Variants in NOS1AP observed in about 807,000 individuals in gnomAD.
NOS1AP encodes the protein nitric oxide synthase 1 adaptor protein.
NOS1AP carries 21 observed loss-of-function variants against 56.2 expected under a neutral mutation model. The observed-to-expected ratio is 0.37, with a 90% CI of 0.26 to 0.54. The LOEUF (loss-of-function observed/expected upper bound fraction) is 0.54. Among genes scored for constraint, NOS1AP ranks in the 20% least tolerant of loss-of-function variants. The pLI is 0.84. For synonymous variants in NOS1AP, 270 were observed against 274.6 expected, an observed-to-expected ratio of 0.98 and a Z score of 0.17; for missense variants, 522 against 657.8, an observed-to-expected ratio of 0.79 and a Z score of 2.26.
intron 9 of NOS1AP, 188 bp from the exon 10 acceptor site, chr1:162,366,864 G>A (rs1275134234): frequency 2.9e-6 from 2 of 682,722 alleles, no homozygotes; most frequent in Non-Finnish European, 5.3e-6. Context: ...CCCCTCCAGC[G>A]AGGTGTGTCT....
At chr1:162,170,994 G>T (rs1397086444) in intron 2 of NOS1AP, among the ~76,000 whole-genome samples, 1 of 152,078 alleles carries the variant, frequency 6.6e-6, no homozygotes, top group Non-Finnish European at 1.5e-5. Context: ...CAGCTAAACG[G>T]GTGGAGCTCA....
chr1:162,198,325 C>G (rs1455047193), intron 2 of NOS1AP, among the ~76,000 whole-genome samples: 1 of 152,164 alleles, frequency 6.6e-6, no homozygotes, highest in Non-Finnish European at 1.5e-5. Context: ...ACTTTCTGAT[C>G]GTTGTGATGG....
chr1:162,072,273 T>C (rs1691676826), intron 1 of NOS1AP, among the ~76,000 whole-genome samples: 1 of 152,240 alleles, frequency 6.6e-6, no homozygotes, highest in Admixed American at 6.5e-5. Flanking sequence ...AGCCCAGGAC[T>C]ATGTACCTTT....
chr1:162,285,449 T>A (rs1032016179), intron 2 of NOS1AP, among the ~76,000 whole-genome samples: 3 of 152,206 alleles, frequency 2.0e-5, no homozygotes, highest in East Asian at 3.8e-4. Flanking sequence ...CTGAGCAGAA[T>A]GCTGCAGTCA....
intron 3 of NOS1AP, among the ~76,000 whole-genome samples, chr1:162,297,730 T>C (rs868046810): frequency 2.6e-5 from 4 of 152,094 alleles, no homozygotes; most frequent in Non-Finnish European, 5.9e-5. Context: ...ATGATAGATA[T>C]AGGAACCAGA....
intron 4 of NOS1AP, among the ~76,000 whole-genome samples, chr1:162,330,380 C>T (rs1335508712): frequency 6.6e-6 from 1 of 152,174 alleles, no homozygotes; most frequent in Non-Finnish European, 1.5e-5. Flanking sequence ...GTAAAAACAT[C>T]ATAGTGTGAG....
chr1:162,078,319 T>C (rs1346379763), intron 1 of NOS1AP, among the ~76,000 whole-genome samples: 1 of 152,198 alleles, frequency 6.6e-6, no homozygotes, highest in Non-Finnish European at 1.5e-5. Flanking sequence ...TTCATTGTCT[T>C]TTAACGACCC....
chr1:162,084,615 T>G (rs949016647), intron 1 of NOS1AP, among the ~76,000 whole-genome samples: 2 of 152,188 alleles, frequency 1.3e-5, no homozygotes, highest in African/African-American at 4.8e-5. Flanking sequence ...TATTACAGCC[T>G]GATGAAGGAG....
chr1:162,103,315 T>C (rs1647378156), intron 1 of NOS1AP, among the ~76,000 whole-genome samples: 1 of 152,126 alleles, frequency 6.6e-6, no homozygotes, highest in South Asian at 2.1e-4. Context: ...TATTTCAGTT[T>C]TTTTTTTGCG....
intron 1 of NOS1AP, among the ~76,000 whole-genome samples, chr1:162,131,607 A>G (rs1205037214): frequency 6.6e-6 from 1 of 151,984 alleles, no homozygotes; most frequent in Non-Finnish European, 1.5e-5. Flanking sequence ...CCTTGCAGGG[A>G]CATTTCCCTG....
chr1:162,302,102 T>G (rs2661807), intron 4 of NOS1AP, among the ~76,000 whole-genome samples: 68,744 of 152,138 alleles, frequency 0.45, 15,941 homozygotes, highest in East Asian at 0.63. Flanking sequence ...TCTGCCTCTG[T>G]GTTCCTGTAG....
intron 3 of NOS1AP, among the ~76,000 whole-genome samples, chr1:162,289,229 C>CTTCCT: frequency 4.6e-5 from 1 of 21,850 alleles, no homozygotes; most frequent in African/African-American, 2.5e-4. Flanking sequence ...TCCTTCCTTC[C>CTTCCT]TTCCTTCCTT....
intron 1 of NOS1AP, among the ~76,000 whole-genome samples, chr1:162,077,903 A>G (rs1303519576): frequency 6.6e-6 from 1 of 152,006 alleles, no homozygotes; most frequent in African/African-American, 2.4e-5. Context: ...GTCCCTGGCC[A>G]CTTCCTTCCA....
At chr1:162,335,444 C>G (rs1400033735) in intron 5 of NOS1AP, among the ~76,000 whole-genome samples, 1 of 152,238 alleles carries the variant, frequency 6.6e-6, no homozygotes, top group Non-Finnish European at 1.5e-5. Context: ...TTTGCTTGCC[C>G]TTCTGCTTAG....
intron 8 of NOS1AP, chr1:162,364,440 C>T (rs1658002385): frequency 1.0e-6 from 1 of 985,356 alleles, no homozygotes; most frequent in Non-Finnish European, 1.2e-6. Flanking sequence ...GGCCTTCTAA[C>T]TCAGTTTCTT....
chr1:162,211,869 T>C (rs907108374), intron 2 of NOS1AP, among the ~76,000 whole-genome samples: 1 of 152,178 alleles, frequency 6.6e-6, no homozygotes, highest in African/African-American at 2.4e-5. Context: ...TGAATCATCC[T>C]TGGGAGTGTT....
rs113698448 is a variant in NOS1AP at position 162,212,877 on chromosome 1, C to T, written c.177+58401C>T. ...GAACTCTCTGTGGAGTGAGTGCCCC[C>T]GGCACACGGCGGACCATGTCAACAA... On this transcript the variant is annotated intron_variant, in intron 2 of 9. Transcript: ENST00000361897. Among the ~76,000 whole-genome samples the T allele has an allele frequency of 7.7e-3, 1,135 of 147,768 alleles. 10 individuals carry two copies. Among genetic ancestry groups the T allele is most frequent in the Non-Finnish European group, 0.01 (681 of 66,640 alleles).
At chr1:162,222,228 A>G (rs1652806149) in intron 2 of NOS1AP, among the ~76,000 whole-genome samples, 1 of 152,356 alleles carries the variant, frequency 6.6e-6, no homozygotes. Context: ...TTGAATGCAC[A>G]TGGTTAATTT....
At chr1:162,318,227 A>G (rs1656293110) in intron 4 of NOS1AP, among the ~76,000 whole-genome samples, 1 of 152,180 alleles carries the variant, frequency 6.6e-6, no homozygotes, top group Admixed American at 6.5e-5. Flanking sequence ...TAAAAAGAAA[A>G]GATGACCCTC....
Sources: gnomAD v4.1 joint callset for allele counts (sites outside exome capture counted in the v4.1 genomes callset) on GRCh38, gnomAD v4.1.1 for gene constraint, MANE v1.5 for transcripts, NCBI Gene and HGNC (gene_info 2026-07-23, HGNC 2026-07-21) for gene names.